Variants in QTMAN observed in about 807,000 individuals in gnomAD.
QTMAN encodes tRNA-queuosine alpha-mannosyltransferase.
chr2:143,980,000 C>CT, the QTMAN span, among the ~76,000 whole-genome samples: 419 of 151,912 alleles, frequency 2.8e-3, 3 homozygotes, highest in South Asian at 0.011. Flanking sequence ...TTTCTTTCTT[C>CT]TTTTTTTTCA....
the QTMAN span, among the ~76,000 whole-genome samples, chr2:143,983,756 A>G: frequency 2.6e-5 from 4 of 152,198 alleles, no homozygotes; most frequent in Non-Finnish European, 2.9e-5. Context: ...TACAGGCGTG[A>G]GCCACCACGC....
At chr2:144,019,275 G>A in the QTMAN span, among the ~76,000 whole-genome samples, 1 of 152,060 alleles carries the variant, frequency 6.6e-6, no homozygotes, top group Non-Finnish European at 1.5e-5. Context: ...AATAATGGTA[G>A]GGAATTTATT....
chr2:144,221,750 A>G, the QTMAN span, among the ~76,000 whole-genome samples: 1 of 152,232 alleles, frequency 6.6e-6, no homozygotes, highest in Admixed American at 6.5e-5. Context: ...TCAAATTATT[A>G]TAACTACTAT....
At chr2:144,188,762 T>C in the QTMAN span, among the ~76,000 whole-genome samples, 4 of 92,678 alleles carry the variant, frequency 4.3e-5, no homozygotes, top group African/African-American at 1.1e-4. Flanking sequence ...GAAAAATAAG[T>C]ATAAAATAGC....
At chr2:144,155,466 T>C in the QTMAN span, among the ~76,000 whole-genome samples, 1 of 152,228 alleles carries the variant, frequency 6.6e-6, no homozygotes, top group African/African-American at 2.4e-5. Context: ...ATTCATCTCA[T>C]GATTAATCTA....
chr2:144,051,391 C>T, the QTMAN span, among the ~76,000 whole-genome samples: 4 of 151,824 alleles, frequency 2.6e-5, no homozygotes, highest in Non-Finnish European at 5.9e-5. Flanking sequence ...TTTAAATAAG[C>T]CAGGTATGGT....
At chr2:144,228,146 A>T in the QTMAN span, among the ~76,000 whole-genome samples, 1 of 152,148 alleles carries the variant, frequency 6.6e-6, no homozygotes, top group African/African-American at 2.4e-5. Flanking sequence ...CTGTGAACTA[A>T]CTGCCTTCTG....
chr2:143,970,700 A>G, the QTMAN span: 6 of 1,611,154 alleles, frequency 3.7e-6, no homozygotes, highest in East Asian at 1.1e-4. Context: ...GTGGAAATTG[A>G]GTCCTAAGTC....
the QTMAN span, among the ~76,000 whole-genome samples, chr2:144,090,826 T>C: frequency 5.9e-5 from 9 of 151,972 alleles, no homozygotes; most frequent in Non-Finnish European, 8.8e-5. Flanking sequence ...GGCTTTTTTT[T>C]CCCCTAGGAA....
chr2:144,037,753 A>G, the QTMAN span, among the ~76,000 whole-genome samples: 1 of 152,232 alleles, frequency 6.6e-6, no homozygotes, highest in African/African-American at 2.4e-5. Flanking sequence ...CTTTAGATAC[A>G]TATAAATATG....
chr2:144,207,337 C>T, the QTMAN span, among the ~76,000 whole-genome samples: 2 of 152,120 alleles, frequency 1.3e-5, no homozygotes, highest in East Asian at 1.9e-4. Context: ...TACAGAAAAT[C>T]GTTACTCTCT....
chr2:144,068,740 T>C, the QTMAN span, among the ~76,000 whole-genome samples: 1 of 152,210 alleles, frequency 6.6e-6, no homozygotes, highest in African/African-American at 2.4e-5. Context: ...AAAGATTTTA[T>C]ACTCTGGAGT....
At chr2:144,246,667 T>A in the QTMAN span, among the ~76,000 whole-genome samples, 3 of 152,010 alleles carry the variant, frequency 2.0e-5, no homozygotes, top group African/African-American at 7.2e-5. Context: ...CTCAATTTAC[T>A]GTGTTCCAAC....
At chr2:144,115,774 TATC>T in the QTMAN span, among the ~76,000 whole-genome samples, 1 of 152,216 alleles carries the variant, frequency 6.6e-6, no homozygotes, top group Non-Finnish European at 1.5e-5. Flanking sequence ...ACTGAGTGGC[TATC>T]ATGTCTTTCT....
the QTMAN span, chr2:144,145,484 C>T: frequency 2.3e-6 from 2 of 882,232 alleles, no homozygotes; most frequent in Non-Finnish European, 3.5e-6. Flanking sequence ...AAAAGGTGTA[C>T]AATAGTAGGT....
chr2:144,002,886 C>T, the QTMAN span, among the ~76,000 whole-genome samples: 2 of 151,918 alleles, frequency 1.3e-5, no homozygotes, highest in South Asian at 4.1e-4. Context: ...CTTTGTGAGG[C>T]AGAATTTCTT....
chr2:144,182,579 G>C, the QTMAN span, among the ~76,000 whole-genome samples: 1 of 139,470 alleles, frequency 7.2e-6, no homozygotes, highest in African/African-American at 2.8e-5. Context: ...GGGAGGCGGA[G>C]TTTGCAGTGA....
chr2:144,291,238 T>C, the QTMAN span, among the ~76,000 whole-genome samples: 1 of 152,222 alleles, frequency 6.6e-6, no homozygotes, highest in South Asian at 2.1e-4. Context: ...GAAAATCTCA[T>C]CTCCAAATAA....
the QTMAN span, among the ~76,000 whole-genome samples, chr2:144,249,862 A>G: frequency 6.6e-6 from 1 of 152,214 alleles, no homozygotes; most frequent in Non-Finnish European, 1.5e-5. Context: ...TTATTTTACA[A>G]AAATTCACTT....
Sources: gnomAD v4.1 joint callset for allele counts (sites outside exome capture counted in the v4.1 genomes callset) on GRCh38, gnomAD v4.1.1 for gene constraint, MANE v1.5 for transcripts, NCBI Gene and HGNC (gene_info 2026-07-23, HGNC 2026-07-21) for gene names.